The following POU2F1 variants were observed in gnomAD, a reference collection of about 807,000 sequenced individuals.
The protein encoded by POU2F1 is POU domain, class 2, transcription factor 1.
A neutral mutation model predicts 84.9 loss-of-function variants in POU2F1; 16 were observed. The observed-to-expected ratio is 0.19, with a 90% confidence interval of 0.13 to 0.29. The LOEUF (loss-of-function observed/expected upper bound fraction) is 0.29. Ranked by LOEUF, POU2F1 falls within the 10% of genes least tolerant of loss-of-function variation. The pLI is 1.00. For missense variants in POU2F1, 738 were observed against 942.6 expected (o/e 0.78, Z 2.84); for synonymous variants, 368 against 368.3 (o/e 1.00, Z 0.01).
At chr1:167,340,690 C>G (rs1657788806) in intron 2 of POU2F1, among the ~76,000 whole-genome samples, 1 of 151,958 alleles carries the variant, frequency 6.6e-6, no homozygotes, top group Non-Finnish European at 1.5e-5. Flanking sequence ...CCTCAGCCTC[C>G]TGCTGGGATT....
At chr1:167,358,122 CTTTTTTTTTTTT>C (rs763521021) in intron 2 of POU2F1, among the ~76,000 whole-genome samples, 3 of 97,192 alleles carry the variant, frequency 3.1e-5, no homozygotes. Flanking sequence ...TTTTTCTTTT[CTTTTTTTTTTTT>C]TTTTTTTTTT....
At chr1:167,306,308 A>G (rs936367363) in intron 1 of POU2F1, among the ~76,000 whole-genome samples, 15 of 152,244 alleles carry the variant, frequency 9.9e-5, no homozygotes, top group African/African-American at 3.6e-4. Flanking sequence ...AGATAGTCCT[A>G]ACACTATTAA....
At chr1:167,305,562 C>A (rs540873665) in intron 1 of POU2F1, among the ~76,000 whole-genome samples, 1 of 152,112 alleles carries the variant, frequency 6.6e-6, no homozygotes, top group Non-Finnish European at 1.5e-5. Flanking sequence ...ATTCCTGGTA[C>A]GGTGTGGAGA....
In POU2F1 at chr1:167,383,882, A is replaced by G. The variant is rs1229265540; in HGVS notation, c.744A>G (p.Leu248=). The change falls in exon 8 of 16, where the codon CTA becomes CTG. Residue 248 remains leucine, a synonymous_variant. Coordinates refer to ENST00000367866, the MANE Select transcript of POU2F1 (RefSeq NM_002697.4). ...GTCTCCTGCAAGCGCAAAATCTTCTAACGCAACTACCTCAGCAAAGCCAAG... is the reference window on the plus strand; with the variant it reads ...GTCTCCTGCAAGCGCAAAATCTTCTGACGCAACTACCTCAGCAAAGCCAAG... ...QQGLLQAQNL[L]TQLPQQSQAN... is the part of the protein sequence containing the mutation. 1.9e-6 allele frequency: 3 copies of G among 1,613,742 alleles called. No individual in the cohort carries two copies. Among genetic ancestry groups the G allele is most frequent in the East Asian group, 2.2e-5 (1 of 44,884 alleles).
chr1:167,358,053 C>T (rs1032943566), intron 2 of POU2F1, among the ~76,000 whole-genome samples: 5 of 151,260 alleles, frequency 3.3e-5, no homozygotes, highest in Admixed American at 2.0e-4. Flanking sequence ...CTGCCTGTCT[C>T]GACCTTCCAA....
Position 167,288,469 on chromosome 1 carries a change from G to A in POU2F1, c.62-44001G>A, listed in dbSNP as rs531239538. Among the ~76,000 whole-genome samples the A allele has an allele frequency of 9.2e-5, 14 of 152,274 alleles. No individual in the cohort carries two copies. The East Asian group carries it at 1.4e-3, about 15-fold the overall frequency. On this transcript the variant is annotated intron_variant, in intron 1 of 15. Coordinates refer to ENST00000367866, the MANE Select transcript of POU2F1 (RefSeq NM_002697.4). The stretch of plus-strand genomic sequence containing the variant: ...TCTTAAAAGTTTATGTTGGCCAGGT[G>A]TGTGAGCTCAGGAGTTCGAGTCTAG...
chr1:167,415,437 G>A (rs1650236953), intron 15 of POU2F1, 63 bp from the exon 16 acceptor site: 3 of 1,514,916 alleles, frequency 2.0e-6, no homozygotes, highest in African/African-American at 1.4e-5. Context: ...TGTGTTATTT[G>A]GCTTCTCCAG....
chr1:167,244,499 G>A (rs1265234746), intron 1 of POU2F1, among the ~76,000 whole-genome samples: 2 of 152,206 alleles, frequency 1.3e-5, no homozygotes, highest in East Asian at 1.9e-4. Context: ...TGTTCCAGCT[G>A]GAAAGGAGTA....
chr1:167,411,457 T>C (rs1393076800), intron 13 of POU2F1, among the ~76,000 whole-genome samples: 5 of 152,104 alleles, frequency 3.3e-5, no homozygotes, highest in African/African-American at 1.2e-4. Context: ...TATTACAGAA[T>C]AGTTGTTTGA....
rs573422787 is a variant in POU2F1 at position 167,245,351 on chromosome 1, C to T, written c.61+24393C>T. Among the ~76,000 whole-genome samples the T allele has an allele frequency of 1.9e-3, 285 of 151,890 alleles. 2 individuals carry two copies. The highest frequency in any genetic ancestry group is 1.4e-3 in the Non-Finnish European group (94 of 67,956). On this transcript the variant is annotated intron_variant, in intron 1 of 15. Transcript: ENST00000367866. ...TTTACCTCCTTGGGCTCAAGTGATC[C>T]TCCCAACTCAACCTCCCGAGTAGCT...
At chr1:167,336,088 C>A (rs1657426622) in intron 2 of POU2F1, among the ~76,000 whole-genome samples, 1 of 151,990 alleles carries the variant, frequency 6.6e-6, no homozygotes, top group Non-Finnish European at 1.5e-5. Flanking sequence ...CATCTATTAC[C>A]ATGAAATATC....
chr1:167,221,772 G>A (rs1428080032), intron 1 of POU2F1, among the ~76,000 whole-genome samples: 1 of 151,560 alleles, frequency 6.6e-6, no homozygotes, highest in African/African-American at 2.4e-5. Flanking sequence ...GCGCTGCGAG[G>A]TGGCCTGGGG....
rs191098590 is a variant in POU2F1 at position 167,228,677 on chromosome 1, G to A, written c.61+7719G>A. ...GAGAAGCACATGCATAGGCAATTAC[G>A]TTTGCATTTCTTAGCCTGATTAGTA... On this transcript the variant is annotated intron_variant, in intron 1 of 15. Coordinates refer to ENST00000367866, the MANE Select transcript of POU2F1 (RefSeq NM_002697.4). Among the ~76,000 whole-genome samples, 472 of 152,260 alleles carry A rather than the reference G, an allele frequency of 3.1e-3. 15 individuals carry two copies. The highest frequency in any genetic ancestry group is 3.5e-4 in the Non-Finnish European group (24 of 68,014).
intron 1 of POU2F1, among the ~76,000 whole-genome samples, chr1:167,222,800 G>C (rs377180860): frequency 1.1e-3 from 164 of 152,244 alleles, no homozygotes; most frequent in African/African-American, 3.5e-3. Context: ...GGCCTAGGGG[G>C]AAAAATCTGT....
intron 1 of POU2F1, among the ~76,000 whole-genome samples, chr1:167,262,257 C>T (rs1651624123): frequency 6.6e-6 from 1 of 152,090 alleles, no homozygotes; most frequent in Non-Finnish European, 1.5e-5. Context: ...GCCTCAGGCT[C>T]CTAAGCTTAA....
intron 1 of POU2F1, among the ~76,000 whole-genome samples, chr1:167,258,488 A>G (rs1353638032): frequency 6.6e-6 from 1 of 152,192 alleles, no homozygotes; most frequent in Non-Finnish European, 1.5e-5. Flanking sequence ...TTCTTTACTA[A>G]TAATATCCAG....
At chr1:167,357,156 G>C (rs73024260) in intron 2 of POU2F1, among the ~76,000 whole-genome samples, 1 of 152,018 alleles carries the variant, frequency 6.6e-6, no homozygotes, top group Non-Finnish European at 1.5e-5. Context: ...TTCCTAGTGG[G>C]CAAGGGAAGA....
At chr1:167,320,684 G>T (rs1656245015) in intron 1 of POU2F1, among the ~76,000 whole-genome samples, 1 of 152,230 alleles carries the variant, frequency 6.6e-6, no homozygotes, top group African/African-American at 2.4e-5. Context: ...CACTTTACAA[G>T]ATGTTGCTCT....
At chr1:167,233,656 A>G (rs935134060) in intron 1 of POU2F1, among the ~76,000 whole-genome samples, 1 of 152,242 alleles carries the variant, frequency 6.6e-6, no homozygotes, top group African/African-American at 2.4e-5. Context: ...AGTGATGCAT[A>G]ACTGCACATA....
Sources: allele counts gnomAD v4.1 joint callset (sites outside exome capture counted in the v4.1 genomes callset), GRCh38; gene constraint gnomAD v4.1.1; transcripts MANE v1.5; gene names NCBI Gene and HGNC (gene_info 2026-07-23, HGNC 2026-07-21).